DDX49: variants seen among roughly 807,000 people sequenced by gnomAD.
The protein encoded by DDX49 is DEAD-box helicase 49.
In DDX49, 50 loss-of-function variants were observed where a neutral mutation model predicts 56.3. The ratio of observed to expected loss-of-function variants is 0.89; its 90% CI spans 0.71 to 1.12. The LOEUF is 1.12. DDX49 is among the 50% of genes most tolerant of loss of function. The pLI is 0.00. For missense variants in DDX49, 614 were observed against 650.5 expected (o/e 0.94, Z 0.61); for synonymous variants, 269 against 270.6 (o/e 0.99, Z 0.06).
rs1356954852 is a variant in DDX49, at chr19:18,924,676, G to C, written c.906G>C (p.Leu302=). ...TCAAGTCCAGCATCTACCGGATCCT[G>C]ATCGCAACAGACGTGGCCTCCCGGT... is the stretch of plus-strand genomic sequence containing the variant. The part of the protein sequence containing the change: ...AKFKSSIYRI[L]IATDVASRGL... Residue 302 remains leucine (L), a synonymous_variant, in exon 8 of 13, where the codon CTG becomes CTC. Coordinates refer to ENST00000247003, the MANE Select transcript of DDX49 (RefSeq NM_019070.5). 4 of 1,614,096 alleles carry C rather than the reference G, an allele frequency of 2.5e-6. No homozygotes were observed. In the Admixed American group the frequency reaches 5.0e-5, roughly 20 times the overall value.
intron 10 of DDX49, 36 bp downstream of exon 10, chr19:18,926,413 GGTGGGGTGGGCAGAGGT>G: frequency 1.4e-6 from 2 of 1,393,940 alleles, no homozygotes; most frequent in African/African-American, 1.4e-5. Flanking sequence ...GAGAAGGAGG[GGTGGGGTGGGCAGAGGT>G]GGGCACCTCG....
intron 10 of DDX49, 45 bp from the exon 11 acceptor site, chr19:18,927,721 C>A: frequency 6.4e-7 from 1 of 1,561,772 alleles, no homozygotes; most frequent in Non-Finnish European, 8.8e-7. Flanking sequence ...CTCTCCATGT[C>A]ACGTCTCCTC....
chr19:18,922,139 G>A (rs1023371062), intron 4 of DDX49, 175 bp downstream of exon 4: 6 of 1,173,120 alleles, frequency 5.1e-6, no homozygotes, highest in Non-Finnish European at 7.1e-6. Context: ...AGGGGGCCCA[G>A]TCCTAGCAAT....
rs1431758197 is a variant in DDX49, at chr19:18,924,659, A to G, written c.889A>G (p.Ser297Gly). The change falls in exon 8 of 13, where the codon AGC becomes GGC. Residue 297 changes from serine (S) to glycine (G), a missense_variant. Ser to Gly is a moderately conservative substitution (Grantham distance 56, BLOSUM62 0). Transcript: ENST00000247003. ...TGCCGCCCTAGCCAAGTTCAAGTCC[A>G]GCATCTACCGGATCCTGATCGCAAC... ...RFAALAKFKS[S>G]IYRILIATDV... 4 of 1,614,212 alleles carry G rather than the reference A, an allele frequency of 2.5e-6. No homozygotes were observed. Among genetic ancestry groups the G allele is most frequent in the East Asian group, 4.5e-5 (2 of 44,890 alleles).
intron 6 of DDX49, among the ~76,000 whole-genome samples, 154 bp from the exon 7 acceptor site, chr19:18,924,079 A>T (rs1177040822): frequency 6.6e-6 from 1 of 151,912 alleles, no homozygotes; most frequent in African/African-American, 2.4e-5. Flanking sequence ...AAGTGCTGGG[A>T]TTACAGGCAT....
At chr19:18,926,501 T>A in intron 10 of DDX49, 124 bp downstream of exon 10, 1 of 1,019,710 alleles carries the variant, frequency 9.8e-7, no homozygotes, top group Non-Finnish European at 1.5e-6. Context: ...AGATTTAGGC[T>A]GGGGCTTCCT....
chr19:18,926,418 GGTGGGCAGAGGT>G, intron 10 of DDX49, 41 bp downstream of exon 10: 1 of 1,343,330 alleles, frequency 7.4e-7, no homozygotes, highest in Non-Finnish European at 1.0e-6. Flanking sequence ...GGAGGGGTGG[GGTGGGCAGAGGT>G]GGGCACCTCG....
intron 9 of DDX49, 161 bp downstream of exon 9, chr19:18,925,140 TC>T: frequency 2.9e-6 from 3 of 1,050,312 alleles, no homozygotes; most frequent in Non-Finnish European, 4.0e-6. Flanking sequence ...CAAAGGTGAA[TC>T]CCAGCTACTC....
chr19:18,923,294 G>T (rs2056934068), intron 6 of DDX49, among the ~76,000 whole-genome samples: 1 of 152,206 alleles, frequency 6.6e-6, no homozygotes, highest in Non-Finnish European at 1.5e-5. Flanking sequence ...GGCCGAGGTA[G>T]GCGGATCACC....
In DDX49 at chr19:18,921,924, G is replaced by A. The variant is rs934423888; in HGVS notation, c.407G>A (p.Arg136His). The A allele has an allele frequency of 8.7e-6, 14 of 1,613,638 alleles. No individual in the cohort carries two copies. The highest frequency in any genetic ancestry group is 4.5e-5 in the East Asian group (2 of 44,866). The change falls in exon 4 of 13, where the codon CGC becomes CAC. Residue 136 changes from arginine to histidine, a missense_variant. Arg to His is a conservative substitution (Grantham distance 29, BLOSUM62 0). Transcript: ENST00000247003. ...ATPGRLADHL[R>H]SSNTFSIKKI... ...CCGGGGCGCCTGGCAGATCACCTGC[G>A]CAGCTCCAACACTTTTAGTATAAAG...
At chr19:18,923,509 G>A (rs987926571) in intron 6 of DDX49, among the ~76,000 whole-genome samples, 2 of 152,142 alleles carry the variant, frequency 1.3e-5, no homozygotes, top group South Asian at 2.1e-4. Context: ...GGGACAAAGT[G>A]AGACTGTCTC....
rs770858758 is a variant in DDX49, at chr19:18,919,755, C to T, written c.14C>T (p.Ala5Val). 3 of 1,610,222 alleles carry T rather than the reference C, an allele frequency of 1.9e-6. No individual in the cohort carries two copies. The highest frequency in any genetic ancestry group is 2.2e-5 in the South Asian group (2 of 91,014). MAGF[A>V]ELGLSSWLVE... Reference sequence around the variant, plus strand: ...GCGGCCACAAGGATGGCAGGCTTCGCGGAGCTCGGGCTGTCATCGTGGCTC... The same window carrying T: ...GCGGCCACAAGGATGGCAGGCTTCGTGGAGCTCGGGCTGTCATCGTGGCTC... Residue 5 changes from alanine (A) to valine (V), a missense_variant, in exon 1 of 13, where the codon GCG becomes GTG. By Grantham distance (64) the Ala-to-Val change is moderately conservative (BLOSUM62 0). Transcript: ENST00000247003.
chr19:18,927,938 T>C, intron 11 of DDX49, 27 bp from the exon 12 acceptor site: 1 of 1,613,542 alleles, frequency 6.2e-7, no homozygotes, highest in Non-Finnish European at 8.5e-7. Flanking sequence ...GTGACCAGCA[T>C]CTCCTTACCC....
In DDX49 at chr19:18,922,508, G is replaced by T; in HGVS notation, c.630G>T (p.Gln210His). 6.3e-7 allele frequency: 1 copy of T among 1,599,840 alleles called. No homozygotes were observed. Residue 210 changes from glutamine (Q) to histidine (H), a missense_variant, in exon 5 of 13, where the codon CAG (glutamine) becomes CAT (histidine). Physicochemically the swap from Gln to His is conservative, Grantham distance 24. Transcript: ENST00000247003. The part of the protein sequence containing the change: ...ATNQPFFWEA[Q>H]APVSTVEQLD... Reference sequence around the variant, plus strand: ...ACCAGCCCTTCTTCTGGGAAGCACAGGCCCCGTGAGTCCACAGCCCAGACA... The same window carrying T: ...ACCAGCCCTTCTTCTGGGAAGCACATGCCCCGTGAGTCCACAGCCCAGACA...
chr19:18,926,409 G>T, intron 10 of DDX49, 32 bp downstream of exon 10: 1 of 1,292,666 alleles, frequency 7.7e-7, no homozygotes, highest in Non-Finnish European at 1.1e-6. Context: ...GGTAGAGAAG[G>T]AGGGGTGGGG....
Position 18,921,679 on chromosome 19 carries a change from A to G in DDX49, c.256A>G (p.Ile86Val), listed in dbSNP as rs151174298. ...LTPTRELAYQ[I>V]AEQFRVLGKP... ...CACCCACAGGGAGCTGGCCTACCAG[A>G]TCGCAGAGCAGTTCCGGGTCCTGGG... Residue 86 changes from isoleucine (I) to valine (V), a missense_variant, in exon 3 of 13, where the codon ATC becomes GTC. Physicochemically the swap from Ile to Val is conservative, Grantham distance 29 (BLOSUM62 3). Coordinates refer to ENST00000247003, the MANE Select transcript of DDX49 (RefSeq NM_019070.5). The G allele has an allele frequency of 1.4e-5, 22 of 1,613,988 alleles. 1 individual carries two copies. Among genetic ancestry groups the G allele is most frequent in the Non-Finnish European group, 1.8e-5 (21 of 1,180,014 alleles).
Position 18,927,870 on chromosome 19 carries a change from G to A in DDX49, c.1191+16G>A, listed in dbSNP as rs541316638. 48 of 1,613,898 alleles carry A rather than the reference G, an allele frequency of 3.0e-5. No individual in the cohort carries two copies. The highest frequency in any genetic ancestry group is 2.9e-4 in the African/African-American group (22 of 74,972). Reference sequence around the variant, plus strand: ...GTGTGAGATCGTGAGTGTCAGAGGCGGGCAGGAACTAAAGTGCTCTCCAGG... The same window carrying A: ...GTGTGAGATCGTGAGTGTCAGAGGCAGGCAGGAACTAAAGTGCTCTCCAGG... On this transcript the variant is annotated intron_variant, in intron 11 of 12. Coordinates refer to ENST00000247003, the MANE Select transcript of DDX49 (RefSeq NM_019070.5).
rs773147065 is a variant in DDX49 at position 18,928,068 on chromosome 19, T to A, written c.1263+32T>A. On this transcript the variant is annotated intron_variant, in intron 12 of 12. Coordinates refer to ENST00000247003, the MANE Select transcript of DDX49 (RefSeq NM_019070.5). ...GCCGAGCCCGCAGGTAGGGGGTGGG[T>A]GGCCAGGTTCCCTGGCGGGGGCCGC... 1.7e-5 allele frequency: 27 copies of A among 1,612,434 alleles called. No individual in the cohort carries two copies. The South Asian group carries it at 2.4e-4, about 14-fold the overall frequency.
Position 18,926,354 on chromosome 19 carries a change from T to G in DDX49, c.1079T>G (p.Val360Gly). The change falls in exon 10 of 13, where the codon GTG becomes GGG. Residue 360 changes from valine (V) to glycine (G), a missense_variant. Physicochemically the swap from Val to Gly is moderately radical, Grantham distance 109. Transcript: ENST00000247003. Reference sequence around the variant, plus strand: ...GTGACACAGTACGACATCCACCTGGTGCACGCCATCGAGGAGCAGATCAGT... The same window carrying G: ...GTGACACAGTACGACATCCACCTGGGGCACGCCATCGAGGAGCAGATCAGT... ...TLVTQYDIHL[V>G]HAIEEQIKKK... 1 of 1,370,416 alleles carries G rather than the reference T, an allele frequency of 7.3e-7. No homozygotes were observed. Among genetic ancestry groups the G allele is most frequent in the South Asian group, 1.2e-5 (1 of 82,404 alleles). 84.9% of individuals were successfully genotyped at this position (1,370,416 alleles called of 1,614,324 possible). A position where few individuals can be genotyped will look rare whatever the true frequency, so the allele number is the denominator to read the frequency against.
Sources: allele counts gnomAD v4.1 joint callset (sites outside exome capture counted in the v4.1 genomes callset), GRCh38; gene constraint gnomAD v4.1.1; transcripts MANE v1.5; gene names NCBI Gene and HGNC (gene_info 2026-07-23, HGNC 2026-07-21).